The following PIGN variants were observed in gnomAD, a reference collection of about 807,000 sequenced individuals.
The protein encoded by PIGN is GPI ethanolamine phosphate transferase 1.
A neutral mutation model predicts 125.4 loss-of-function variants in PIGN; 117 were observed. The ratio of observed to expected loss-of-function variants is 0.93; its 90% CI spans 0.80 to 1.09. The LOEUF (loss-of-function observed/expected upper bound fraction) is 1.09, where lower values mean the gene tolerates loss of function less well. Among genes scored for constraint, PIGN ranks in the 50% least tolerant of loss-of-function variants. The pLI, the probability that PIGN is intolerant of heterozygous loss-of-function variation, is 0.00. For synonymous variants in PIGN, 392 were observed against 377.8 expected (o/e 1.04, Z -0.44); for missense variants, 1,075 against 1,094.9 (o/e 0.98, Z 0.26).
chr18:62,172,596 T>C (rs1353537872), intron 1 of PIGN, among the ~76,000 whole-genome samples: 1 of 152,122 alleles, frequency 6.6e-6, no homozygotes, highest in African/African-American at 2.4e-5. Flanking sequence ...TAAATGCAAA[T>C]GTATATTTGT....
chr18:62,096,226 CA>C, intron 22 of PIGN, among the ~76,000 whole-genome samples: 1 of 151,974 alleles, frequency 6.6e-6, no homozygotes, highest in East Asian at 1.9e-4. Context: ...ACCCGGGAGG[CA>C]GAGGTTGCAG....
intron 14 of PIGN, among the ~76,000 whole-genome samples, chr18:62,132,508 T>G (rs2147023009): frequency 6.6e-6 from 1 of 152,292 alleles, no homozygotes; most frequent in Non-Finnish European, 1.5e-5. Flanking sequence ...CACCTGGTTC[T>G]GGTATATTTT....
chr18:62,110,006 C>G (rs756489704), intron 16 of PIGN, 33 bp from the exon 17 acceptor site: 1 of 1,607,022 alleles, frequency 6.2e-7, no homozygotes, highest in Admixed American at 1.7e-5. Context: ...GAAACACTTC[C>G]AAACCAATGG....
At chr18:62,028,709 G>A (rs1284369591) in intron 23 of PIGN, among the ~76,000 whole-genome samples, 1 of 152,180 alleles carries the variant, frequency 6.6e-6, no homozygotes, top group African/African-American at 2.4e-5. Context: ...AATAAGAGAT[G>A]GCATTGTTCC....
chr18:62,173,866 G>A (rs1288996131), intron 1 of PIGN, among the ~76,000 whole-genome samples: 2 of 152,156 alleles, frequency 1.3e-5, no homozygotes, highest in African/African-American at 4.8e-5. Flanking sequence ...ACACAAGGAA[G>A]AGCAACAAAT....
intron 9 of PIGN, among the ~76,000 whole-genome samples, chr18:62,146,535 A>ACAAATCT (rs1306220448): frequency 3.3e-5 from 5 of 152,184 alleles, no homozygotes; most frequent in Non-Finnish European, 7.4e-5. Flanking sequence ...TGATTTGGGG[A>ACAAATCT]CAAATCTCAT....
chr18:62,173,551 T>C (rs895112286), intron 1 of PIGN, among the ~76,000 whole-genome samples: 4 of 152,164 alleles, frequency 2.6e-5, no homozygotes, highest in African/African-American at 7.2e-5. Flanking sequence ...CTATTTTGGA[T>C]GCACTTGGAG....
At chr18:62,110,225 T>C (rs2034822492) in intron 16 of PIGN, 2 of 333,194 alleles carry the variant, frequency 6.0e-6, no homozygotes, top group Admixed American at 4.5e-5. Context: ...ACTATGGCCT[T>C]AAAGTTTGTT....
At chr18:62,051,722 G>A (rs1258978034) in intron 30 of PIGN, 1 of 150,366 alleles carries the variant, frequency 6.7e-6, no homozygotes, top group African/African-American at 2.5e-5. Flanking sequence ...TCTGATTTTA[G>A]TTATTTCTTG....
Position 62,125,659 on chromosome 18 carries a change from T to C in PIGN, c.1173-11020A>G, listed in dbSNP as rs757993324. ...ACTACAACAGCATTTTGTGTCCATT[T>C]AGCAACATAATCATATAAAAATCTT... is the stretch of plus-strand genomic sequence containing the variant. On this transcript the variant is annotated intron_variant, in intron 14 of 30. Transcript: ENST00000640252. Among the ~76,000 whole-genome samples, 85 of 152,112 alleles carry C rather than the reference T, an allele frequency of 5.6e-4. 1 individual carries two copies. Among genetic ancestry groups the C allele is most frequent in the Admixed American group, 1.1e-3 (17 of 15,260 alleles).
intron 23 of PIGN, among the ~76,000 whole-genome samples, chr18:62,034,987 T>G (rs1432056515): frequency 2.6e-5 from 4 of 152,182 alleles, no homozygotes; most frequent in Non-Finnish European, 5.9e-5. Flanking sequence ...AATCCCCACT[T>G]GTCATGGGAG....
At chr18:62,165,314 G>A (rs1255118166) in intron 1 of PIGN, among the ~76,000 whole-genome samples, 1 of 152,140 alleles carries the variant, frequency 6.6e-6, no homozygotes. Flanking sequence ...TGCCTAGCCT[G>A]TAGAACTGTG....
At chr18:62,061,010 C>T (rs2032089563) in intron 30 of PIGN, among the ~76,000 whole-genome samples, 1 of 152,118 alleles carries the variant, frequency 6.6e-6, no homozygotes, top group Non-Finnish European at 1.5e-5. Flanking sequence ...TTTCACATGG[C>T]TGTTAAAAAG....
rs115230185 is a variant in PIGN at position 62,113,597 on chromosome 18, G to A, written c.1252-281C>T. Among the ~76,000 whole-genome samples, 9,391 of 152,086 alleles carry A rather than the reference G, an allele frequency of 0.062. 507 individuals carry two copies. The highest frequency in any genetic ancestry group is 0.14 in the African/African-American group (5,958 of 41,472). ...TGTGTGTTTGTGGAAATGATATTCAGACAACTCATAAAAGAAATGAAGGCT... is the reference window on the plus strand; with the variant it reads ...TGTGTGTTTGTGGAAATGATATTCAAACAACTCATAAAAGAAATGAAGGCT... On this transcript the variant is annotated intron_variant, in intron 15 of 30. Transcript: ENST00000640252.
chr18:62,066,604 G>A (rs1599437452), intron 30 of PIGN, among the ~76,000 whole-genome samples: 1 of 152,194 alleles, frequency 6.6e-6, no homozygotes, highest in South Asian at 2.1e-4. Context: ...GGACTCTGTG[G>A]TCTCTGAACA....
At chr18:62,089,169 A>G (rs958544976) in intron 24 of PIGN, among the ~76,000 whole-genome samples, 3 of 152,178 alleles carry the variant, frequency 2.0e-5, no homozygotes, top group African/African-American at 7.2e-5. Context: ...TCCCTCTTCA[A>G]AGACTAATTT....
chr18:62,054,359 T>C (rs2052410115), intron 30 of PIGN, among the ~76,000 whole-genome samples: 2 of 150,688 alleles, frequency 1.3e-5, no homozygotes, highest in South Asian at 2.1e-4. Context: ...TCTGATAAAT[T>C]GGGCTTAAAA....
chr18:62,100,827 A>G (rs2034407235), intron 22 of PIGN, among the ~76,000 whole-genome samples: 1 of 152,206 alleles, frequency 6.6e-6, no homozygotes, highest in Non-Finnish European at 1.5e-5. Flanking sequence ...ATCTTATGAG[A>G]TGTTAATAAA....
chr18:62,156,344 T>G (rs1023124125), intron 6 of PIGN, among the ~76,000 whole-genome samples: 6 of 152,202 alleles, frequency 3.9e-5, no homozygotes, highest in Non-Finnish European at 8.8e-5. Flanking sequence ...AAATATTTTT[T>G]TTGAGATAGG....
Sources: gnomAD v4.1 joint callset for allele counts (sites outside exome capture counted in the v4.1 genomes callset) on GRCh38, gnomAD v4.1.1 for gene constraint, MANE v1.5 for transcripts, NCBI Gene and HGNC (gene_info 2026-07-23, HGNC 2026-07-21) for gene names.